The following HCN1 variants were observed in gnomAD, a reference collection of about 807,000 sequenced individuals.
The protein encoded by HCN1 is hyperpolarization activated cyclic nucleotide gated potassium channel 1.
HCN1 carries 13 observed loss-of-function variants against 78.9 expected under a neutral mutation model. The observed-to-expected ratio is 0.16, with a 90% CI of 0.11 to 0.26. The LOEUF (loss-of-function observed/expected upper bound fraction) is 0.26, where lower values mean the gene tolerates loss of function less well. Among genes scored for constraint, HCN1 ranks in the 10% least tolerant of loss-of-function variants. The probability of loss-of-function intolerance (pLI) is 1.00; values close to 1 mark genes in which losing one functional copy is unlikely to be tolerated. For synonymous variants in HCN1, 552 were observed against 455.5 expected (o/e 1.21, Z -2.70); for missense variants, 810 against 1,154.3 (o/e 0.70, Z 4.32).
At chr5:45,404,364 A>G (rs1359652545) in intron 3 of HCN1, among the ~76,000 whole-genome samples, 1 of 152,152 alleles carries the variant, frequency 6.6e-6, no homozygotes, top group East Asian at 1.9e-4. Flanking sequence ...ATATAAGGGA[A>G]CTGTTTCAAC....
rs377558915 is a variant in HCN1 at position 45,509,159 on chromosome 5, C to A, written c.850-47152G>T. Among the ~76,000 whole-genome samples the A allele has an allele frequency of 7.9e-5, 12 of 152,212 alleles. No individual in the cohort carries two copies. The East Asian group carries it at 2.3e-3, about 29-fold the overall frequency. ...GGTGTTTAACATGTCAGCATTGTAT[C>A]ATTTTCTGCTAAATCGATCTTGTTC... is the stretch of plus-strand genomic sequence containing the variant. On this transcript the variant is annotated intron_variant, in intron 2 of 7. Coordinates refer to ENST00000303230, the MANE Select transcript of HCN1 (RefSeq NM_021072.4).
rs1744663929 is a variant in HCN1, at chr5:45,258,409, T to G, written c.*3512A>C. The stretch of plus-strand genomic sequence containing the variant: ...ATAAATTGCAAAATAACCATCTCTT[T>G]AAAGTGGAACAGCATTCATCAGGGA... On this transcript the variant is annotated 3_prime_UTR_variant, in exon 8 of 8. Coordinates refer to ENST00000303230, the MANE Select transcript of HCN1 (RefSeq NM_021072.4). The G allele has an allele frequency of 6.6e-6, 1 of 152,166 alleles. No individual in the cohort carries two copies. Among genetic ancestry groups the G allele is most frequent in the Non-Finnish European group, 1.5e-5 (1 of 67,986 alleles). 9.4% of individuals were successfully genotyped at this position (152,166 alleles called of 1,614,324 possible).
At chr5:45,371,142 A>T (rs1237738083) in intron 4 of HCN1, among the ~76,000 whole-genome samples, 1 of 152,096 alleles carries the variant, frequency 6.6e-6, no homozygotes, top group East Asian at 1.9e-4. Flanking sequence ...ATAAGAGGGA[A>T]GTTTATAACA....
At chr5:45,289,052 G>C (rs1299519775) in intron 6 of HCN1, among the ~76,000 whole-genome samples, 1 of 151,924 alleles carries the variant, frequency 6.6e-6, no homozygotes, top group Non-Finnish European at 1.5e-5. Flanking sequence ...TTACTCATAA[G>C]CTGTGTTTTT....
At position 45,650,558 on chromosome 5, in the gene HCN1, C is replaced by A. The variant is rs147357209; in HGVS notation, c.426-4950G>T. Among the ~76,000 whole-genome samples, 72 of 152,040 alleles carry A rather than the reference C, an allele frequency of 4.7e-4. No homozygotes were observed. The East Asian group carries it at 0.012, about 24-fold the overall frequency. Reference sequence around the variant, plus strand: ...TTTATAATTACAGCAAAATCATAATCTAGGTAACTATTTTACCTTTTTCAC... The same window carrying A: ...TTTATAATTACAGCAAAATCATAATATAGGTAACTATTTTACCTTTTTCAC... On this transcript the variant is annotated intron_variant, in intron 1 of 7. Coordinates refer to ENST00000303230, the MANE Select transcript of HCN1 (RefSeq NM_021072.4).
intron 2 of HCN1, among the ~76,000 whole-genome samples, chr5:45,493,831 A>G (rs1311121789): frequency 7.1e-6 from 1 of 141,480 alleles, no homozygotes; most frequent in Non-Finnish European, 1.5e-5. Flanking sequence ...ATTCCCACCT[A>G]TGAGTGAGAA....
rs1163394033 is a variant in HCN1 at position 45,696,257 on chromosome 5, G to A, written c.-164C>T. Reference sequence around the variant, plus strand: ...GCGGCGGCTGCTGCTTCCCGACCGCGCCGCTGCTAGCTGCGCGCCTGGCTC... The same window carrying A: ...GCGGCGGCTGCTGCTTCCCGACCGCACCGCTGCTAGCTGCGCGCCTGGCTC... On this transcript the variant is annotated 5_prime_UTR_variant, in exon 1 of 8. Transcript: ENST00000303230. The A allele has an allele frequency of 1.2e-5, 2 of 162,736 alleles. No individual in the cohort carries two copies. Among genetic ancestry groups the A allele is most frequent in the Non-Finnish European group, 2.5e-5 (2 of 78,672 alleles). 10.1% of individuals were successfully genotyped at this position (162,736 alleles called of 1,614,324 possible).
At chr5:45,440,927 C>T (rs1052747316) in intron 3 of HCN1, among the ~76,000 whole-genome samples, 1 of 152,166 alleles carries the variant, frequency 6.6e-6, no homozygotes, top group African/African-American at 2.4e-5. Context: ...GGCTCCTACA[C>T]ATCTTCTAAC....
At chr5:45,624,709 T>C (rs1218050216) in intron 2 of HCN1, among the ~76,000 whole-genome samples, 1 of 151,760 alleles carries the variant, frequency 6.6e-6, no homozygotes, top group African/African-American at 2.4e-5. Flanking sequence ...AGAGGGGCAT[T>C]AGATGGGGTC....
In HCN1 at chr5:45,260,584, G is replaced by A. The variant is rs1744715448; in HGVS notation, c.*1337C>T. On this transcript the variant is annotated 3_prime_UTR_variant, in exon 8 of 8. Coordinates refer to ENST00000303230, the MANE Select transcript of HCN1 (RefSeq NM_021072.4). ...AGTTACAATATACATAGAGCAAAAT[G>A]TGTGTTCCCAAACAGACGTGATGCT... 1 of 152,452 alleles carries A rather than the reference G, an allele frequency of 6.6e-6. No homozygotes were observed. 9.4% of individuals were successfully genotyped at this position (152,452 alleles called of 1,614,324 possible).
At chr5:45,316,581 A>G (rs998594368) in intron 5 of HCN1, among the ~76,000 whole-genome samples, 5 of 152,178 alleles carry the variant, frequency 3.3e-5, no homozygotes, top group Admixed American at 1.3e-4. Context: ...AGGCAGGAGA[A>G]AGAAATAAAG....
chr5:45,347,258 G>A (rs964781510), intron 5 of HCN1, among the ~76,000 whole-genome samples: 4 of 152,142 alleles, frequency 2.6e-5, no homozygotes, highest in Admixed American at 2.0e-4. Flanking sequence ...GGCAAACAAG[G>A]TCTGGAATGG....
chr5:45,496,170 G>T (rs1292519686), intron 2 of HCN1, among the ~76,000 whole-genome samples: 2 of 152,096 alleles, frequency 1.3e-5, no homozygotes, highest in Non-Finnish European at 2.9e-5. Flanking sequence ...AGTTTCAGAA[G>T]GAATGGTACC....
At chr5:45,388,012 A>C (rs1167943216) in intron 4 of HCN1, among the ~76,000 whole-genome samples, 1 of 152,168 alleles carries the variant, frequency 6.6e-6, no homozygotes, top group Non-Finnish European at 1.5e-5. Flanking sequence ...GAAACTGAAA[A>C]CAAAAATATG....
At chr5:45,523,271 G>C (rs1241876868) in intron 2 of HCN1, among the ~76,000 whole-genome samples, 2 of 152,092 alleles carry the variant, frequency 1.3e-5, no homozygotes, top group African/African-American at 4.8e-5. Context: ...TTGGACATTT[G>C]GGTTGGTTCC....
chr5:45,520,926 T>C (rs1423126997), intron 2 of HCN1, among the ~76,000 whole-genome samples: 1 of 151,794 alleles, frequency 6.6e-6, no homozygotes, highest in Non-Finnish European at 1.5e-5. Context: ...AGACAGATGC[T>C]GTATCAGTCA....
intron 4 of HCN1, among the ~76,000 whole-genome samples, chr5:45,358,360 T>C (rs1006572911): frequency 7.9e-5 from 12 of 152,134 alleles, no homozygotes; most frequent in African/African-American, 2.9e-4. Context: ...GATACCCTTA[T>C]TTATAAAACT....
chr5:45,375,123 TATATA>T (rs1223883575), intron 4 of HCN1, among the ~76,000 whole-genome samples: 1 of 121,948 alleles, frequency 8.2e-6, no homozygotes, highest in African/African-American at 3.2e-5. Context: ...TAATATATTA[TATATA>T]ATATATTTTA....
At chr5:45,437,611 A>C (rs1054615893) in intron 3 of HCN1, among the ~76,000 whole-genome samples, 2 of 152,226 alleles carry the variant, frequency 1.3e-5, no homozygotes, top group Admixed American at 1.3e-4. Context: ...ACTAAGGTGA[A>C]TAAACATTTT....
Sources: allele counts gnomAD v4.1 joint callset (sites outside exome capture counted in the v4.1 genomes callset), GRCh38; gene constraint gnomAD v4.1.1; transcripts MANE v1.5; gene names NCBI Gene and HGNC (gene_info 2026-07-23, HGNC 2026-07-21).